The following SLC36A1 variants were observed in gnomAD, a reference collection of about 807,000 sequenced individuals.
The protein encoded by SLC36A1 is solute carrier family 36 member 1.
A neutral mutation model predicts 47.5 loss-of-function variants in SLC36A1; 30 were observed. That is an observed-to-expected ratio of 0.63 (90% CI 0.47 to 0.86). The LOEUF (loss-of-function observed/expected upper bound fraction) is 0.86, where lower values mean the gene tolerates loss of function less well. SLC36A1 is among the 40% of genes least tolerant of loss of function. The pLI is 0.00. For missense variants in SLC36A1, 517 were observed against 606.0 expected (o/e 0.85, Z 1.54); for synonymous variants, 255 against 249.7 (o/e 1.02, Z -0.20).
intron 5 of SLC36A1, among the ~76,000 whole-genome samples, chr5:151,466,492 T>C (rs1444974630): frequency 1.3e-5 from 2 of 152,136 alleles, no homozygotes; most frequent in Non-Finnish European, 2.9e-5. Flanking sequence ...TTAACTGCTG[T>C]GTAATGTTCC....
chr5:151,476,172 T>G (rs921615426), intron 8 of SLC36A1, among the ~76,000 whole-genome samples: 1 of 152,268 alleles, frequency 6.6e-6, no homozygotes, highest in Non-Finnish European at 1.5e-5. Flanking sequence ...CCCTGACCTA[T>G]ATTTTGCATT....
At chr5:151,521,849 C>T in the SLC36A1 span, 1 of 1,614,230 alleles carries the variant, frequency 6.2e-7, no homozygotes, top group Admixed American at 1.7e-5. Flanking sequence ...CCATCAGGCG[C>T]ACCCACTGAG....
At chr5:151,472,586 GCTC>G (rs943689967) in intron 7 of SLC36A1, among the ~76,000 whole-genome samples, 1 of 151,846 alleles carries the variant, frequency 6.6e-6, no homozygotes, top group Non-Finnish European at 1.5e-5. Context: ...CATTCTTTTT[GCTC>G]CTCCTCCCCA....
At chr5:151,527,375 G>C in the SLC36A1 span, 2 of 1,602,244 alleles carry the variant, frequency 1.2e-6, no homozygotes, top group Non-Finnish European at 1.7e-6. Context: ...AATAACTAGA[G>C]GCCTATTGCA....
the SLC36A1 span, chr5:151,527,516 T>A: frequency 1.5e-5 from 11 of 733,986 alleles, no homozygotes; most frequent in Non-Finnish European, 1.9e-5. Context: ...ACCCGTAGCA[T>A]TTTAGGGCTT....
At chr5:151,356,090 G>A in the SLC36A1 span, among the ~76,000 whole-genome samples, 2 of 151,946 alleles carry the variant, frequency 1.3e-5, no homozygotes, top group Admixed American at 1.3e-4. Flanking sequence ...GAGGATCCCA[G>A]AACTTTGGGA....
At chr5:151,541,094 A>G in the SLC36A1 span, among the ~76,000 whole-genome samples, 1 of 152,370 alleles carries the variant, frequency 6.6e-6, no homozygotes, top group Admixed American at 6.5e-5. Context: ...ATAAATGTCT[A>G]AGATGCATAG....
chr5:151,533,618 A>G, the SLC36A1 span, among the ~76,000 whole-genome samples: 1 of 152,098 alleles, frequency 6.6e-6, no homozygotes, highest in Non-Finnish European at 1.5e-5. Flanking sequence ...TTTTATCATC[A>G]TCATTTTCCT....
the SLC36A1 span, chr5:151,544,974 C>T: frequency 6.2e-7 from 1 of 1,614,070 alleles, no homozygotes; most frequent in African/African-American, 1.3e-5. Context: ...AACCCTGAGC[C>T]ACCCGCTGAG....
At chr5:151,522,879 T>C in the SLC36A1 span, among the ~76,000 whole-genome samples, 2 of 151,906 alleles carry the variant, frequency 1.3e-5, no homozygotes, top group African/African-American at 4.8e-5. Context: ...ACGCGCAGGG[T>C]TGCAGTTAAT....
chr5:151,354,114 G>A, the SLC36A1 span, among the ~76,000 whole-genome samples: 1 of 152,116 alleles, frequency 6.6e-6, no homozygotes, highest in Non-Finnish European at 1.5e-5. Context: ...GACCAGCCTG[G>A]CCAACATGGT....
the SLC36A1 span, among the ~76,000 whole-genome samples, chr5:151,382,667 G>A: frequency 6.6e-6 from 1 of 152,136 alleles, no homozygotes; most frequent in Admixed American, 6.5e-5. Context: ...ATCAATTGTG[G>A]CACATAGTAC....
At chr5:151,525,797 C>T in the SLC36A1 span, 2 of 1,614,182 alleles carry the variant, frequency 1.2e-6, no homozygotes, top group Non-Finnish European at 1.7e-6. Flanking sequence ...CATTCCTGAG[C>T]CCTCCTGCTT....
the SLC36A1 span, among the ~76,000 whole-genome samples, chr5:151,379,260 C>A: frequency 2.0e-5 from 3 of 152,220 alleles, no homozygotes; most frequent in African/African-American, 7.2e-5. Context: ...GCCTCACTGC[C>A]TGGATACCAT....
chr5:151,532,108 T>A, the SLC36A1 span: 1 of 1,122,808 alleles, frequency 8.9e-7, no homozygotes, highest in Non-Finnish European at 1.3e-6. Flanking sequence ...ATATGAAGAG[T>A]GAGGGTCTCT....
the SLC36A1 span, among the ~76,000 whole-genome samples, chr5:151,378,801 C>T: frequency 6.6e-6 from 1 of 152,188 alleles, no homozygotes; most frequent in Non-Finnish European, 1.5e-5. Context: ...CCACCTCTAC[C>T]CACCCCCTGC....
At chr5:151,475,897 AT>A (rs1428662533) in intron 8 of SLC36A1, among the ~76,000 whole-genome samples, 1 of 152,162 alleles carries the variant, frequency 6.6e-6, no homozygotes, top group Non-Finnish European at 1.5e-5. Flanking sequence ...CACACCTGCC[AT>A]TTTCCCAATT....
In SLC36A1 at chr5:151,488,445, C is replaced by A; in HGVS notation, c.*191C>A. ...GGGGAGAGGTGGGGTGGCAGACACG[C>A]AGAAGTGCTACTAGTGACAGGGCTG... is the stretch of plus-strand genomic sequence containing the variant. On this transcript the variant is annotated 3_prime_UTR_variant, in exon 11 of 11. Transcript: ENST00000243389. 1 of 680,986 alleles carries A rather than the reference C, an allele frequency of 1.5e-6. No individual in the cohort carries two copies. The highest frequency in any genetic ancestry group is 2.8e-5 in the East Asian group (1 of 36,220). The allele number at this position is 680,986 out of a possible 1,614,324, so 42.2% of individuals were successfully genotyped here. A position where few individuals can be genotyped will look rare whatever the true frequency, so the allele number is the denominator to read the frequency against.
downstream of SLC36A1, among the ~76,000 whole-genome samples, chr5:151,495,207 T>A (rs6866679): frequency 0.11 from 16,394 of 152,234 alleles, 2,484 homozygotes; most frequent in African/African-American, 0.34. Context: ...CTCATTACGG[T>A]TTTAATTTGC....
Sources: allele counts gnomAD v4.1 joint callset (sites outside exome capture counted in the v4.1 genomes callset), GRCh38; gene constraint gnomAD v4.1.1; transcripts MANE v1.5; gene names NCBI Gene and HGNC (gene_info 2026-07-23, HGNC 2026-07-21).